The following RTN4 variants were observed in gnomAD, a reference collection of about 807,000 sequenced individuals.
RTN4 encodes reticulon-4.
In RTN4, 32 loss-of-function variants were observed where a neutral mutation model predicts 90.4. That is an observed-to-expected ratio of 0.35 (90% confidence interval 0.27 to 0.48). The LOEUF (loss-of-function observed/expected upper bound fraction) is 0.48. Ranked by LOEUF, RTN4 falls within the 20% of genes least tolerant of loss-of-function variation. The probability of loss-of-function intolerance (pLI) is 0.99; values close to 1 mark genes in which losing one functional copy is unlikely to be tolerated. For missense variants in RTN4, 1,706 were observed against 1,430.2 expected (o/e 1.19, Z -3.11); for synonymous variants, 629 against 552.5 (o/e 1.14, Z -1.94).
chr2:55,010,193 A>T, intron 3 of RTN4: 1 of 1,606,600 alleles, frequency 6.2e-7, no homozygotes, highest in Non-Finnish European at 8.5e-7. Flanking sequence ...AACTGCACAA[A>T]CCTACTCCCT....
intron 5 of RTN4, among the ~76,000 whole-genome samples, chr2:54,977,855 T>G (rs1258489686): frequency 6.6e-6 from 1 of 152,154 alleles, no homozygotes; most frequent in Non-Finnish European, 1.5e-5. Flanking sequence ...ACACAAGAAT[T>G]TAAAAGGAGA....
chr2:55,110,309 TCAAA>T (rs1668015647), intron 1 of RTN4, among the ~76,000 whole-genome samples: 1 of 73,920 alleles, frequency 1.4e-5, no homozygotes. Context: ...AGACCCTGTC[TCAAA>T]AAAAAAAAAA....
chr2:55,061,789 AG>A (rs1351104375), intron 2 of RTN4, among the ~76,000 whole-genome samples: 1 of 152,126 alleles, frequency 6.6e-6, no homozygotes, highest in African/African-American at 2.4e-5. Flanking sequence ...GTCCCTGGCG[AG>A]GGCTCCACCC....
At chr2:54,974,879 A>G (rs1003897479) in intron 5 of RTN4, 115 bp from the exon 6 acceptor site, 18 of 790,214 alleles carry the variant, frequency 2.3e-5, no homozygotes, top group African/African-American at 2.3e-4. Flanking sequence ...CAACTTGAAG[A>G]CTGGGTAAAG....
intron 1 of RTN4, among the ~76,000 whole-genome samples, chr2:55,046,533 C>T (rs1287301424): frequency 1.3e-5 from 2 of 152,184 alleles, no homozygotes; most frequent in Non-Finnish European, 2.9e-5. Flanking sequence ...AAAAAAGCCC[C>T]CATAAATCCC....
chr2:54,990,495 A>G (rs1401741377), intron 3 of RTN4, among the ~76,000 whole-genome samples: 2 of 152,214 alleles, frequency 1.3e-5, no homozygotes, highest in African/African-American at 2.4e-5. Flanking sequence ...AGTACATAGC[A>G]TACAATAAAT....
chr2:55,062,080 C>A (rs530277107), intron 2 of RTN4, among the ~76,000 whole-genome samples: 9 of 152,174 alleles, frequency 5.9e-5, no homozygotes, highest in African/African-American at 1.7e-4. Context: ...GGTCATTGAC[C>A]GGCAGAACAG....
chr2:55,032,984 C>T (rs1558832716), intron 1 of RTN4, among the ~76,000 whole-genome samples: 1 of 151,148 alleles, frequency 6.6e-6, no homozygotes, highest in South Asian at 2.1e-4. Flanking sequence ...GCCATGATCA[C>T]GCCACTGCAC....
chr2:55,038,892 T>G (rs1682871632), intron 1 of RTN4, among the ~76,000 whole-genome samples: 1 of 152,222 alleles, frequency 6.6e-6, no homozygotes, highest in African/African-American at 2.4e-5. Flanking sequence ...TGTGCTATTC[T>G]TAGCATGGAA....
chr2:54,981,275 A>C (rs1020129406), intron 5 of RTN4, among the ~76,000 whole-genome samples: 2 of 150,114 alleles, frequency 1.3e-5, no homozygotes, highest in Non-Finnish European at 3.0e-5. Context: ...AAAGGCTAAA[A>C]TGTTTTTGTT....
chr2:55,025,150 G>A lies in RTN4; in HGVS notation c.2949C>T (p.Ser983=), dbSNP rs745687944. ...LVKEAEKKLP[S]DTEKEDRSPS... ...GTGATCTGTCCTCTTTTTCTGTATC[G>A]GAAGGAAGTTTTTTCTCAGCTTCTT... The change falls in exon 3 of 9, where the codon TCC becomes TCT. Residue 983 remains serine (S), a synonymous_variant. Transcript: ENST00000337526. The A allele has an allele frequency of 2.7e-5, 44 of 1,613,322 alleles. No homozygotes were observed. Among genetic ancestry groups the A allele is most frequent in the African/African-American group, 4.0e-5 (3 of 74,850 alleles).
At chr2:55,053,732 A>C (rs1390621086), upstream of RTN4, among the ~76,000 whole-genome samples, 1 of 151,994 alleles carries the variant, frequency 6.6e-6, no homozygotes, top group Non-Finnish European at 1.5e-5. Context: ...AAAATACCTC[A>C]TCAGAAGTAG....
At chr2:55,068,682 G>C (rs373805975) in intron 2 of RTN4, among the ~76,000 whole-genome samples, 1 of 123,612 alleles carries the variant, frequency 8.1e-6, no homozygotes, top group Non-Finnish European at 1.6e-5. Flanking sequence ...AAAAAAAGGG[G>C]GGGGGGTGGG....
intron 1 of RTN4, among the ~76,000 whole-genome samples, chr2:55,084,974 A>G (rs1668809478): frequency 6.6e-6 from 1 of 152,178 alleles, no homozygotes; most frequent in Admixed American, 6.5e-5. Flanking sequence ...AAAATATTGT[A>G]GAGACTAGAT....
At chr2:55,053,732 A>G (rs1390621086), upstream of RTN4, among the ~76,000 whole-genome samples, 3 of 151,994 alleles carry the variant, frequency 2.0e-5, no homozygotes, top group Non-Finnish European at 4.4e-5. Context: ...AAAATACCTC[A>G]TCAGAAGTAG....
At chr2:55,124,639 G>C in the RTN4 span, among the ~76,000 whole-genome samples, 1 of 152,222 alleles carries the variant, frequency 6.6e-6, no homozygotes, top group South Asian at 2.1e-4. Flanking sequence ...GGCTATACTG[G>C]CCATAGCAAT....
chr2:55,091,683 A>G (rs1172667813), intron 1 of RTN4, among the ~76,000 whole-genome samples: 1 of 152,172 alleles, frequency 6.6e-6, no homozygotes, highest in African/African-American at 2.4e-5. Context: ...AACTTTTTTT[A>G]ATTAGCCAGT....
chr2:55,070,208 C>G (rs1387949265), intron 2 of RTN4, among the ~76,000 whole-genome samples: 2 of 152,050 alleles, frequency 1.3e-5, no homozygotes, highest in Non-Finnish European at 2.9e-5. Flanking sequence ...CCAGCTGCTA[C>G]TCACTAGATG....
In RTN4 at chr2:55,041,789, T is replaced by C. The variant is rs573358136; in HGVS notation, c.556+7956A>G. On this transcript the variant is annotated intron_variant, in intron 1 of 8. Coordinates refer to ENST00000337526, the MANE Select transcript of RTN4 (RefSeq NM_020532.5). Reference sequence around the variant, plus strand: ...TAAACATGGGGGAAAATTTTTATGATCCTCAAGAAGGATTTTCTAAGGATT... The same window carrying C: ...TAAACATGGGGGAAAATTTTTATGACCCTCAAGAAGGATTTTCTAAGGATT... Among the ~76,000 whole-genome samples the C allele has an allele frequency of 7.9e-5, 12 of 152,152 alleles. No individual in the cohort carries two copies. In the South Asian group the frequency reaches 2.5e-3, roughly 32 times the overall value.
Sources: allele counts gnomAD v4.1 joint callset (sites outside exome capture counted in the v4.1 genomes callset), GRCh38; gene constraint gnomAD v4.1.1; transcripts MANE v1.5; gene names NCBI Gene and HGNC (gene_info 2026-07-23, HGNC 2026-07-21).